Variants in BBOF1 observed in about 807,000 individuals in gnomAD.
BBOF1 encodes the protein basal body orientation factor 1, also known as basal body-orientation factor 1.
BBOF1 carries 62 observed loss-of-function variants against 68.0 expected under a neutral mutation model. The observed-to-expected ratio is 0.91, with a 90% CI of 0.74 to 1.13. The LOEUF is 1.13. Among genes scored for constraint, BBOF1 ranks in the 50% most tolerant of loss-of-function variants. The pLI is 0.00. For synonymous variants in BBOF1, 208 were observed against 198.8 expected, an observed-to-expected ratio of 1.05 and a Z score of -0.39; for missense variants, 534 against 600.1, an observed-to-expected ratio of 0.89 and a Z score of 1.15.
At chr14:74,070,348 A>G (rs2060531574), downstream of BBOF1, among the ~76,000 whole-genome samples, 1 of 151,980 alleles carries the variant, frequency 6.6e-6, no homozygotes, top group South Asian at 2.1e-4. Context: ...GTGAAACCCC[A>G]TCTGTACTAA....
chr14:74,032,176 G>A lies in BBOF1; in HGVS notation c.352-1852G>A, dbSNP rs536162252. ...AGTCTCGCTCTTGTCTCCCAGGCTG[G>A]AGTGCAGTGGCACGATCTCGGCTGA... On this transcript the variant is annotated intron_variant, in intron 3 of 11. Transcript: ENST00000394009. 1.9e-3 allele frequency among the ~76,000 whole-genome samples: 276 copies of A among 145,282 alleles called. 1 individual carries two copies. Among genetic ancestry groups the A allele is most frequent in the African/African-American group, 6.8e-3 (263 of 38,956 alleles).
chr14:74,048,176 G>A, intron 7 of BBOF1, 102 bp downstream of exon 7: 1 of 1,112,862 alleles, frequency 9.0e-7, no homozygotes, highest in African/African-American at 1.6e-5. Flanking sequence ...AGGACAATGA[G>A]ACCATTTTCA....
chr14:74,055,659 T>G lies in BBOF1; in HGVS notation c.1362T>G (p.Phe454Leu). 6.2e-7 allele frequency: 1 copy of G among 1,613,694 alleles called. No homozygotes were observed. Among genetic ancestry groups the G allele is most frequent in the Non-Finnish European group, 8.5e-7 (1 of 1,179,722 alleles). Residue 454 changes from phenylalanine to leucine, a missense_variant, in exon 9 of 12, where the codon TTT becomes TTG. By Grantham distance (22) the Phe-to-Leu change is conservative. Transcript: ENST00000394009. ...EQKEKVLRLLFAKMNGCPSRK... is the reference protein window; with the variant it reads ...EQKEKVLRLLLAKMNGCPSRK... The stretch of plus-strand genomic sequence containing the variant: ...AGGAAAAAGTATTGCGATTGCTCTT[T>G]GCAAAAATGAATGGCTGTCCTTCTA...
chr14:74,080,878 C>T (rs2060662248), intron 10 of BBOF1, among the ~76,000 whole-genome samples: 1 of 152,226 alleles, frequency 6.6e-6, no homozygotes, highest in Non-Finnish European at 1.5e-5. Context: ...GACTAATCCC[C>T]TTGATGTTGC....
intron 8 of BBOF1, among the ~76,000 whole-genome samples, chr14:74,051,217 C>T (rs2060061397): frequency 6.6e-6 from 1 of 151,498 alleles, no homozygotes; most frequent in Admixed American, 6.6e-5. Context: ...GCACTCCAGC[C>T]TGGGTGACAA....
chr14:74,068,507 G>A (rs1017685193), downstream of BBOF1, among the ~76,000 whole-genome samples: 1 of 152,146 alleles, frequency 6.6e-6, no homozygotes, highest in African/African-American at 2.4e-5. Flanking sequence ...TTGGGAGGCC[G>A]AGGCGGGCAG....
At chr14:74,072,618 A>AAAC in intron 9 of BBOF1, 1 of 1,607,734 alleles carries the variant, frequency 6.2e-7, no homozygotes, top group African/African-American at 1.3e-5. Context: ...TTGGCTGAAA[A>AAAC]AAACAAACAA....
At chr14:74,032,117 G>GTTTT (rs2059583409) in intron 3 of BBOF1, among the ~76,000 whole-genome samples, 2 of 128,274 alleles carry the variant, frequency 1.6e-5, no homozygotes, top group African/African-American at 5.9e-5. Flanking sequence ...TCTCAAAGTT[G>GTTTT]ATTTTTTTTT....
chr14:74,057,467 C>G lies in BBOF1; in HGVS notation c.1578+209C>G. ...TACTAATGCAAATGCAAATGTGTGC[C>G]TCTTTTTGTGTAGAAACCTATAGGT... On this transcript the variant is annotated intron_variant, in intron 11 of 11. Transcript: ENST00000394009. 2.8e-6 allele frequency: 4 copies of G among 1,446,196 alleles called. No homozygotes were observed. In the South Asian group the frequency reaches 5.7e-5, roughly 21 times the overall value. 89.6% of individuals were successfully genotyped at this position (1,446,196 alleles called of 1,614,324 possible).
intron 5 of BBOF1, among the ~76,000 whole-genome samples, chr14:74,044,300 G>C (rs2139558943): frequency 6.6e-6 from 1 of 151,826 alleles, no homozygotes; most frequent in South Asian, 2.1e-4. Flanking sequence ...ACCTCCTCTA[G>C]TTACTATCTA....
At chr14:74,030,237 A>G (rs890135581) in intron 3 of BBOF1, among the ~76,000 whole-genome samples, 2 of 151,728 alleles carry the variant, frequency 1.3e-5, no homozygotes, top group Non-Finnish European at 2.9e-5. Context: ...ATTTTTTTAG[A>G]TATGGGAGTT....
In BBOF1 at chr14:74,065,381, A is replaced by C. The variant is rs1350359519; in HGVS notation, c.*682A>C. On this transcript the variant is annotated 3_prime_UTR_variant, in exon 12 of 12. Coordinates refer to ENST00000394009, the MANE Select transcript of BBOF1 (RefSeq NM_025057.3). The stretch of plus-strand genomic sequence containing the variant: ...TTTGGCTGCCAGGAGTGATGCATCC[A>C]GAAAAGAAGTCAGCTTTTTGGATTC... 1 of 1,612,620 alleles carries C rather than the reference A, an allele frequency of 6.2e-7. No individual in the cohort carries two copies. The highest frequency in any genetic ancestry group is 8.5e-7 in the Non-Finnish European group (1 of 1,179,382).
chr14:74,035,905 A>G (rs2059688160), intron 4 of BBOF1, among the ~76,000 whole-genome samples: 1 of 152,060 alleles, frequency 6.6e-6, no homozygotes, highest in Admixed American at 6.6e-5. Flanking sequence ...TTAAAAGTGA[A>G]TCCTTAAGTC....
intron 11 of BBOF1, among the ~76,000 whole-genome samples, chr14:74,064,440 TGAGG>T (rs2060425484): frequency 6.6e-6 from 1 of 152,026 alleles, no homozygotes; most frequent in East Asian, 1.9e-4. Context: ...TACCCAGCAC[TGAGG>T]GAGGGGTGGT....
intron 2 of BBOF1, among the ~76,000 whole-genome samples, chr14:74,023,512 T>G (rs1223739475): frequency 1.3e-5 from 2 of 152,238 alleles, no homozygotes; most frequent in Non-Finnish European, 1.5e-5. Context: ...CCATGATAAC[T>G]TTCTGAACCC....
downstream of BBOF1, chr14:74,067,525 T>G: frequency 6.2e-7 from 1 of 1,614,198 alleles, no homozygotes; most frequent in South Asian, 1.1e-5. Context: ...TCAGGGTATT[T>G]TCCTTATTGG....
intron 8 of BBOF1, 46 bp from the exon 9 acceptor site, chr14:74,055,538 G>A (rs1280980187): frequency 8.2e-7 from 1 of 1,225,606 alleles, no homozygotes; most frequent in Non-Finnish European, 1.2e-6. Flanking sequence ...AAGCCTATTT[G>A]ACCGTATTTT....
intron 6 of BBOF1, among the ~76,000 whole-genome samples, chr14:74,047,335 G>T (rs774249881): frequency 6.6e-6 from 1 of 152,076 alleles, no homozygotes; most frequent in Admixed American, 6.6e-5. Flanking sequence ...TAGTCATGTG[G>T]ACAGGAAAGA....
intron 4 of BBOF1, among the ~76,000 whole-genome samples, chr14:74,036,200 C>T (rs974039936): frequency 2.0e-5 from 3 of 152,148 alleles, no homozygotes; most frequent in Admixed American, 6.5e-5. Flanking sequence ...GGACTATAGG[C>T]GCACGCCACC....
Sources: gnomAD v4.1 joint callset for allele counts (sites outside exome capture counted in the v4.1 genomes callset) on GRCh38, gnomAD v4.1.1 for gene constraint, MANE v1.5 for transcripts, NCBI Gene and HGNC (gene_info 2026-07-23, HGNC 2026-07-21) for gene names.